AP3B1: variants seen among roughly 807,000 people sequenced by gnomAD.
AP3B1 encodes adaptor related protein complex 3 subunit beta 1.
AP3B1 carries 61 observed loss-of-function variants against 132.5 expected under a neutral mutation model. The observed-to-expected ratio is 0.46, with a 90% CI of 0.37 to 0.57. The LOEUF (loss-of-function observed/expected upper bound fraction) is 0.57, where lower values mean the gene tolerates loss of function less well. Ranked by LOEUF, AP3B1 falls within the 20% of genes least tolerant of loss-of-function variation. AP3B1 has a pLI of 0.00. For missense variants in AP3B1, 1,120 were observed against 1,289.4 expected, an observed-to-expected ratio of 0.87 and a Z score of 2.01; for synonymous variants, 388 against 438.3, an observed-to-expected ratio of 0.89 and a Z score of 1.43.
intron 1 of AP3B1, among the ~76,000 whole-genome samples, chr5:78,279,930 T>TATATATATATATATA (rs1748979883): frequency 4.9e-5 from 6 of 123,124 alleles, no homozygotes; most frequent in African/African-American, 1.9e-4. Flanking sequence ...ATATATATAT[T>TATATATATATATATA]AGCCAGGCAT....
In AP3B1 at chr5:78,181,615, A is replaced by G. The variant is rs1365806176; in HGVS notation, c.834T>C (p.Asp278=). ...DNGKNFYESD[D]DQKEKTDKKK... ...TTTTGTCAGTCTTTTCCTTCTGATC[A>G]TCATCAGATTCGTAGAAATTCTTTC... The change falls in exon 8 of 27, where the codon GAT becomes GAC. Residue 278 remains aspartate, a synonymous_variant. Coordinates refer to ENST00000255194, the MANE Select transcript of AP3B1 (RefSeq NM_003664.5). The G allele has an allele frequency of 1.2e-6, 2 of 1,612,426 alleles. No individual in the cohort carries two copies.
At position 78,294,676 on chromosome 5, in the gene AP3B1, G is replaced by A. The variant is rs752359387; in HGVS notation, c.-97C>T. ...ACGGAACAAAACTAGTTCTCGTACG[G>A]AGGAGCGCGCGCAGGCGCTTCCGGA... is the stretch of plus-strand genomic sequence containing the variant. On this transcript the variant is annotated 5_prime_UTR_variant, in exon 1 of 27. Coordinates refer to ENST00000255194, the MANE Select transcript of AP3B1 (RefSeq NM_003664.5). 6.3e-7 allele frequency: 1 copy of A among 1,588,766 alleles called. No homozygotes were observed. Among genetic ancestry groups the A allele is most frequent in the Admixed American group, 1.7e-5 (1 of 59,834 alleles).
At chr5:78,072,817 G>A (rs919509087) in intron 22 of AP3B1, among the ~76,000 whole-genome samples, 1 of 141,420 alleles carries the variant, frequency 7.1e-6, no homozygotes, top group Non-Finnish European at 1.5e-5. Context: ...CACCTCCCAG[G>A]TTCAGGCAAT....
chr5:78,090,340 G>A (rs901118826), intron 21 of AP3B1, among the ~76,000 whole-genome samples: 12 of 152,168 alleles, frequency 7.9e-5, no homozygotes, highest in African/African-American at 1.2e-4. Context: ...GCTTGTGGCC[G>A]CCATACTGGA....
At chr5:78,170,114 C>A (rs1386535873) in intron 11 of AP3B1, among the ~76,000 whole-genome samples, 4 of 152,134 alleles carry the variant, frequency 2.6e-5, no homozygotes, top group Non-Finnish European at 4.4e-5. Context: ...GCATAGTATT[C>A]CATGGTGTAT....
intron 22 of AP3B1, among the ~76,000 whole-genome samples, chr5:78,085,124 G>A (rs956720267): frequency 1.2e-4 from 19 of 152,062 alleles, no homozygotes; most frequent in Non-Finnish European, 2.2e-4. Flanking sequence ...ATATTTTGAT[G>A]GCTTTTTATA....
At chr5:78,241,872 C>T (rs1419551948) in intron 2 of AP3B1, among the ~76,000 whole-genome samples, 1 of 152,190 alleles carries the variant, frequency 6.6e-6, no homozygotes, top group East Asian at 1.9e-4. Context: ...TTTCCTATTT[C>T]CACAGTTCTC....
intron 2 of AP3B1, among the ~76,000 whole-genome samples, chr5:78,244,043 CA>C: frequency 6.6e-6 from 1 of 152,242 alleles, no homozygotes; most frequent in South Asian, 2.1e-4. Flanking sequence ...ATAGTGAGCA[CA>C]GTGAGAATGG....
At chr5:78,278,363 G>GGGTCCTCAACC (rs1487935362) in intron 1 of AP3B1, among the ~76,000 whole-genome samples, 117 of 139,868 alleles carry the variant, frequency 8.4e-4, no homozygotes, top group Middle Eastern at 7.5e-3. Context: ...TCTTTGGGAG[G>GGGTCCTCAACC]CCGAGGCGGG....
At chr5:78,153,414 T>C (rs1260199565) in intron 14 of AP3B1, among the ~76,000 whole-genome samples, 3 of 151,272 alleles carry the variant, frequency 2.0e-5, no homozygotes, top group African/African-American at 7.4e-5. Flanking sequence ...TCTTTTTCCA[T>C]CCCTTTTTTT....
rs530946388 is a variant in AP3B1 at position 78,203,525 on chromosome 5, G to A, written c.786+12530C>T. On this transcript the variant is annotated intron_variant, in intron 7 of 26. Coordinates refer to ENST00000255194, the MANE Select transcript of AP3B1 (RefSeq NM_003664.5). Reference sequence around the variant, plus strand: ...ATTATTACAGTTCAAGGTGAGATATGGGGGGGACACAGACCCAAACCATAT... The same window carrying A: ...ATTATTACAGTTCAAGGTGAGATATAGGGGGGACACAGACCCAAACCATAT... Among the ~76,000 whole-genome samples, 6 of 152,152 alleles carry A rather than the reference G, an allele frequency of 3.9e-5. No individual in the cohort carries two copies. In the East Asian group the frequency reaches 9.6e-4, roughly 24 times the overall value.
intron 3 of AP3B1, among the ~76,000 whole-genome samples, chr5:78,237,191 C>A (rs990217825): frequency 2.5e-4 from 38 of 152,160 alleles, no homozygotes; most frequent in Admixed American, 2.2e-3. Context: ...GAATGCACTT[C>A]CTATCTAATG....
intron 7 of AP3B1, among the ~76,000 whole-genome samples, chr5:78,215,108 A>G (rs1745902746): frequency 6.6e-6 from 1 of 152,138 alleles, no homozygotes; most frequent in South Asian, 2.1e-4. Context: ...CATGTTATTT[A>G]CATTTTTCTA....
At chr5:78,130,581 C>G (rs1159551562) in intron 15 of AP3B1, among the ~76,000 whole-genome samples, 1 of 151,986 alleles carries the variant, frequency 6.6e-6, no homozygotes, top group Non-Finnish European at 1.5e-5. Flanking sequence ...AATTGCTAGA[C>G]CATGCTGGTT....
intron 2 of AP3B1, among the ~76,000 whole-genome samples, chr5:78,249,939 C>T (rs1233111418): frequency 6.6e-6 from 1 of 152,114 alleles, no homozygotes; most frequent in African/African-American, 2.4e-5. Flanking sequence ...CTGTTATCAC[C>T]ATTCTGCTAT....
At chr5:78,149,855 T>C (rs966339830) in intron 14 of AP3B1, among the ~76,000 whole-genome samples, 2 of 152,108 alleles carry the variant, frequency 1.3e-5, no homozygotes, top group Admixed American at 6.5e-5. Flanking sequence ...TAAGAACAGA[T>C]ATGAATACAA....
chr5:78,265,304 A>C (rs1159991896), intron 2 of AP3B1, among the ~76,000 whole-genome samples: 1 of 152,036 alleles, frequency 6.6e-6, no homozygotes, highest in African/African-American at 2.4e-5. Flanking sequence ...TTAGCTGGGC[A>C]TAGTGGTACA....
chr5:78,015,721 T>G, intron 25 of AP3B1, 173 bp from the exon 26 acceptor site: 1 of 631,100 alleles, frequency 1.6e-6, no homozygotes. Flanking sequence ...TGTTTCGAAG[T>G]TTTTTAAAAT....
intron 21 of AP3B1, among the ~76,000 whole-genome samples, chr5:78,097,441 C>T (rs1750900517): frequency 7.5e-6 from 1 of 133,056 alleles, no homozygotes; most frequent in Non-Finnish European, 1.6e-5. Flanking sequence ...GGTGCCTCTG[C>T]CCGGCCGCCC....
Sources: allele counts gnomAD v4.1 joint callset (sites outside exome capture counted in the v4.1 genomes callset), GRCh38; gene constraint gnomAD v4.1.1; transcripts MANE v1.5; gene names NCBI Gene and HGNC (gene_info 2026-07-23, HGNC 2026-07-21).